The following PSMF1 variants were observed in gnomAD, a reference collection of about 807,000 sequenced individuals.
The protein encoded by PSMF1 is proteasome inhibitor PI31 subunit.
Under a neutral mutation model 29.3 loss-of-function variants are expected in PSMF1, and 30 were observed. The observed-to-expected ratio is 1.02, with a 90% CI of 0.77 to 1.39. PSMF1 has a LOEUF of 1.39. Among genes scored for constraint, PSMF1 ranks in the 40% most tolerant of loss-of-function variants. The pLI is 0.00. For synonymous variants in PSMF1, 134 were observed against 139.7 expected (o/e 0.96, Z 0.29); for missense variants, 344 against 357.5 (o/e 0.96, Z 0.31).
At chr20:1,155,636 A>G (rs1490750634) in intron 4 of PSMF1, among the ~76,000 whole-genome samples, 2 of 152,226 alleles carry the variant, frequency 1.3e-5, no homozygotes, top group African/African-American at 4.8e-5. Context: ...TACATAAGTG[A>G]ACCTGATTCT....
chr20:1,128,986 C>G (rs2086195734), intron 3 of PSMF1, among the ~76,000 whole-genome samples: 2 of 152,182 alleles, frequency 1.3e-5, no homozygotes, highest in Non-Finnish European at 2.9e-5. Flanking sequence ...CGCCATTCTC[C>G]TGCCTCAGCC....
chr20:1,118,687 G>C lies in PSMF1; in HGVS notation c.-87G>C, dbSNP rs913116279. 3 of 1,454,020 alleles carry C rather than the reference G, an allele frequency of 2.1e-6. No individual in the cohort carries two copies. The highest frequency in any genetic ancestry group is 1.4e-5 in the African/African-American group (1 of 71,108). The allele number at this position is 1,454,020 out of a possible 1,614,324, so 90.1% of individuals were successfully genotyped here. On this transcript the variant is annotated 5_prime_UTR_variant, in exon 1 of 7. Coordinates refer to ENST00000335877, the MANE Select transcript of PSMF1 (RefSeq NM_006814.5). ...CAAGAACCAGCGCAAGAGGGAAGCA[G>C]AGTTATAGCTACCCCGGCCGCGGAG... is the stretch of plus-strand genomic sequence containing the variant.
chr20:1,156,673 T>C (rs558633462), intron 4 of PSMF1, among the ~76,000 whole-genome samples: 30 of 152,284 alleles, frequency 2.0e-4, no homozygotes, highest in Non-Finnish European at 4.0e-4. Context: ...TTCACCTTCA[T>C]TTCTAAAGGA....
Position 1,167,003 on chromosome 20 carries a change from G to A in PSMF1, c.*1923G>A, listed in dbSNP as rs538377184. ...CTTAGATTTTCTAGCAGCAAAGTCC[G>A]AAAAGATAGTTATATACAAAATTCT... is the stretch of plus-strand genomic sequence containing the variant. On this transcript the variant is annotated 3_prime_UTR_variant, in exon 7 of 7. Coordinates refer to ENST00000335877, the MANE Select transcript of PSMF1 (RefSeq NM_006814.5). 5 of 152,252 alleles carry A rather than the reference G, an allele frequency of 3.3e-5. No individual in the cohort carries two copies. Among genetic ancestry groups the A allele is most frequent in the East Asian group, 1.9e-4 (1 of 5,184 alleles). 9.4% of individuals were successfully genotyped at this position (152,252 alleles called of 1,614,324 possible).
intron 3 of PSMF1, among the ~76,000 whole-genome samples, chr20:1,127,790 A>G (rs530056196): frequency 8.1e-4 from 124 of 152,334 alleles, no homozygotes; most frequent in Non-Finnish European, 1.5e-3. Flanking sequence ...CAGTCAGAGC[A>G]GACTCCTGGG....
rs1402276127 is a variant in PSMF1, at chr20:1,167,307, A to G, written c.*2227A>G. The G allele has an allele frequency of 6.6e-6, 1 of 152,200 alleles. No individual in the cohort carries two copies. The allele number at this position is 152,200 out of a possible 1,614,324, so 9.4% of individuals were successfully genotyped here. A position where few individuals can be genotyped will look rare whatever the true frequency, so the allele number is the denominator to read the frequency against. ...AAAGATTGGAGCCTTAACAATAAAC[A>G]TCAGCACTAAGTGACCTGTTCCTCC... On this transcript the variant is annotated 3_prime_UTR_variant, in exon 7 of 7. Transcript: ENST00000335877.
intron 4 of PSMF1, among the ~76,000 whole-genome samples, chr20:1,153,538 T>A (rs2086557577): frequency 6.6e-6 from 1 of 152,124 alleles, no homozygotes; most frequent in African/African-American, 2.4e-5. Flanking sequence ...TGTCCCCTTT[T>A]GAGGTCAACT....
intron 4 of PSMF1, among the ~76,000 whole-genome samples, chr20:1,143,950 G>A (rs1221338321): frequency 1.3e-5 from 2 of 152,118 alleles, no homozygotes; most frequent in African/African-American, 4.8e-5. Context: ...ATTAGCGGGT[G>A]TGGTGGTGCA....
intron 3 of PSMF1, among the ~76,000 whole-genome samples, chr20:1,131,630 C>T (rs1206424530): frequency 6.6e-6 from 1 of 152,200 alleles, no homozygotes; most frequent in Non-Finnish European, 1.5e-5. Context: ...CCATGTAGCC[C>T]TCTTTATTAG....
chr20:1,150,580 C>G (rs1259821897), intron 4 of PSMF1, among the ~76,000 whole-genome samples: 2 of 151,994 alleles, frequency 1.3e-5, no homozygotes, highest in African/African-American at 4.8e-5. Context: ...AAGAGGTAAT[C>G]AAATCTCTTG....
chr20:1,115,723 T>G (rs926701286), upstream of PSMF1, among the ~76,000 whole-genome samples: 1 of 145,942 alleles, frequency 6.9e-6, no homozygotes, highest in African/African-American at 2.5e-5. Flanking sequence ...GAACACCTTT[T>G]GATCCTTAAT....
At chr20:1,122,759 GT>G (rs1427493363) in intron 1 of PSMF1, among the ~76,000 whole-genome samples, 1 of 152,214 alleles carries the variant, frequency 6.6e-6, no homozygotes, top group Non-Finnish European at 1.5e-5. Context: ...TCTGTCCTCT[GT>G]TTACTGGGGA....
intron 3 of PSMF1, 32 bp from the exon 4 acceptor site, chr20:1,135,089 C>T: frequency 6.2e-7 from 1 of 1,612,024 alleles, no homozygotes; most frequent in Non-Finnish European, 8.5e-7. Context: ...TAGCCAACTG[C>T]AAGCAGTTGA....
rs182797360 is a variant in PSMF1 at position 1,150,424 on chromosome 20, G to A, written c.552-12706G>A. ...TTCCACCCACTGTTGCTTTTGCACCGTCAGTGCAAATGTCAACACAGCAAA... is the reference window on the plus strand; with the variant it reads ...TTCCACCCACTGTTGCTTTTGCACCATCAGTGCAAATGTCAACACAGCAAA... On this transcript the variant is annotated intron_variant, in intron 4 of 6. Transcript: ENST00000335877. 2.4e-3 allele frequency among the ~76,000 whole-genome samples: 364 copies of A among 152,058 alleles called. 4 individuals are homozygous for A. The highest frequency in any genetic ancestry group is 3.4e-3 in the Non-Finnish European group (230 of 68,008).
chr20:1,162,004 G>A (rs2086673234), intron 4 of PSMF1, among the ~76,000 whole-genome samples: 1 of 152,144 alleles, frequency 6.6e-6, no homozygotes. Context: ...CATGCTTGTG[G>A]AAGACAAGTC....
At position 1,163,196 on chromosome 20, in the gene PSMF1, G is replaced by C. The variant is rs780431723; in HGVS notation, c.605+13G>C. The C allele has an allele frequency of 2.5e-6, 4 of 1,613,900 alleles. No individual in the cohort carries two copies. The Admixed American group carries it at 5.0e-5, about 20-fold the overall frequency. On this transcript the variant is annotated intron_variant, in intron 5 of 6. Transcript: ENST00000335877. This position sits in a 1 kb window ranked among gnomAD's most constrained non-coding sequence, Gnocchi z 6.1. ...TAGACCCTTTTGGGTGAGTACTGCT[G>C]GGGAGGTGGCAGCAACACAACTTGC...
rs549401565 is a variant in PSMF1 at position 1,171,683 on chromosome 20, C to T, written c.*6603C>T. Among the ~76,000 whole-genome samples, 55 of 152,148 alleles carry T rather than the reference C, an allele frequency of 3.6e-4. No individual in the cohort carries two copies. Among genetic ancestry groups the T allele is most frequent in the Non-Finnish European group, 7.2e-4 (49 of 68,012 alleles). On this transcript the variant is annotated 3_prime_UTR_variant, in exon 7 of 7. Coordinates refer to ENST00000335877, the MANE Select transcript of PSMF1 (RefSeq NM_006814.5). Reference sequence around the variant, plus strand: ...CAGGTTCAGCACCCTGGTCAGCGCCCAGCCTCCCTAAAGCCGCTGGAGGAG... The same window carrying T: ...CAGGTTCAGCACCCTGGTCAGCGCCTAGCCTCCCTAAAGCCGCTGGAGGAG...
chr20:1,145,560 G>A (rs1408750123), intron 4 of PSMF1, among the ~76,000 whole-genome samples: 1 of 152,222 alleles, frequency 6.6e-6, no homozygotes, highest in Admixed American at 6.5e-5. Context: ...AGGACAGGCA[G>A]TGGAGCTAGA....
chr20:1,167,649 TG>T lies in PSMF1; in HGVS notation c.*2570del, dbSNP rs1337097768. ...GTCTGGCTTCTTTCATTTCATGTGATGTTTTCAAGATTCATTCATGCTGTAG... is the reference window on the plus strand; with the variant it reads ...GTCTGGCTTCTTTCATTTCATGTGATTTTTCAAGATTCATTCATGCTGTAG... On this transcript the variant is annotated 3_prime_UTR_variant, in exon 7 of 7. Transcript: ENST00000335877. The T allele has an allele frequency of 6.6e-6, 1 of 152,176 alleles. No individual in the cohort carries two copies. Among genetic ancestry groups the T allele is most frequent in the African/African-American group, 2.4e-5 (1 of 41,436 alleles). 9.4% of individuals were successfully genotyped at this position (152,176 alleles called of 1,614,324 possible). A position where few individuals can be genotyped will look rare whatever the true frequency, so the allele number is the denominator to read the frequency against.
Sources: gnomAD v4.1 joint callset for allele counts (sites outside exome capture counted in the v4.1 genomes callset) on GRCh38, gnomAD v4.1.1 for gene constraint, Gnocchi (gnomAD v3.1) non-coding constraint, MANE v1.5 for transcripts, NCBI Gene and HGNC (gene_info 2026-07-23, HGNC 2026-07-21) for gene names.